Variants in NCKAP5 observed in about 807,000 individuals in gnomAD.
The protein encoded by NCKAP5 is nck-associated protein 5.
In NCKAP5, 92 loss-of-function variants were observed where a neutral mutation model predicts 167.0. That is an observed-to-expected ratio of 0.55 (90% confidence interval 0.47 to 0.66). The LOEUF (loss-of-function observed/expected upper bound fraction) is 0.66. Ranked by LOEUF, NCKAP5 falls within the 30% of genes least tolerant of loss-of-function variation. NCKAP5 has a pLI of 0.00. For missense variants in NCKAP5, 2,378 were observed against 2,315.0 expected, an observed-to-expected ratio of 1.03 and a Z score of -0.56; for synonymous variants, 891 against 877.4, an observed-to-expected ratio of 1.02 and a Z score of -0.27.
chr2:132,778,800 T>C (rs1447623838), intron 15 of NCKAP5, among the ~76,000 whole-genome samples: 1 of 152,208 alleles, frequency 6.6e-6, no homozygotes, highest in African/African-American at 2.4e-5. Flanking sequence ...ACATCTCATT[T>C]TGCATCTAAT....
intron 6 of NCKAP5, among the ~76,000 whole-genome samples, chr2:133,025,544 G>C (rs1360181945): frequency 6.6e-6 from 1 of 152,188 alleles, no homozygotes; most frequent in Non-Finnish European, 1.5e-5. Context: ...GTTGGGTGCT[G>C]TGGGTAGAAG....
chr2:133,177,323 ACT>A (rs554915072), intron 5 of NCKAP5, among the ~76,000 whole-genome samples: 1 of 152,072 alleles, frequency 6.6e-6, no homozygotes, highest in East Asian at 1.9e-4. Context: ...AAAAAGGAAC[ACT>A]CTGTACAAAA....
chr2:132,787,312 C>A (rs981978321), intron 13 of NCKAP5, among the ~76,000 whole-genome samples: 3 of 148,318 alleles, frequency 2.0e-5, no homozygotes, highest in Non-Finnish European at 4.4e-5. Context: ...TGCACCATTG[C>A]ACTCCCTCCC....
rs1319118345 is a variant in NCKAP5 at position 133,429,400 on chromosome 2, A to T, written c.69+88058T>A. On this transcript the variant is annotated intron_variant, in intron 3 of 19. Coordinates refer to ENST00000409261, the MANE Select transcript of NCKAP5 (RefSeq NM_207363.3). Reference sequence around the variant, plus strand: ...GGTTTGAGATTCTAATGATCCTATCACCCCAATAGTGAATATAGTAACCAA... The same window carrying T: ...GGTTTGAGATTCTAATGATCCTATCTCCCCAATAGTGAATATAGTAACCAA... Among the ~76,000 whole-genome samples, 9 of 152,078 alleles carry T rather than the reference A, an allele frequency of 5.9e-5. 1 individual carries two copies. Among genetic ancestry groups the T allele is most frequent in the African/African-American group, 2.2e-4 (9 of 41,506 alleles).
chr2:132,694,894 C>T (rs1172440979), intron 19 of NCKAP5, among the ~76,000 whole-genome samples: 1 of 152,182 alleles, frequency 6.6e-6, no homozygotes, highest in African/African-American at 2.4e-5. Context: ...CTTAATCCAC[C>T]TGGGTAGCTT....
At chr2:132,801,232 C>T (rs1414654240) in intron 11 of NCKAP5, among the ~76,000 whole-genome samples, 1 of 152,130 alleles carries the variant, frequency 6.6e-6, no homozygotes, top group Non-Finnish European at 1.5e-5. Flanking sequence ...AAGAAAGCCA[C>T]TCTGGGAAAA....
At chr2:133,167,455 CATATTA>C (rs1489780980) in intron 5 of NCKAP5, among the ~76,000 whole-genome samples, 1 of 152,102 alleles carries the variant, frequency 6.6e-6, no homozygotes, top group African/African-American at 2.4e-5. Flanking sequence ...GTTCACAAAT[CATATTA>C]ATATTAACAT....
At chr2:133,424,871 A>G (rs939871194) in intron 3 of NCKAP5, among the ~76,000 whole-genome samples, 1 of 152,196 alleles carries the variant, frequency 6.6e-6, no homozygotes, top group East Asian at 1.9e-4. Context: ...GCCTCCATAA[A>G]AACACTTGAT....
chr2:132,894,403 AT>A (rs1488127930), intron 8 of NCKAP5, among the ~76,000 whole-genome samples: 1 of 152,164 alleles, frequency 6.6e-6, no homozygotes, highest in Non-Finnish European at 1.5e-5. Flanking sequence ...GCCATGGGAG[AT>A]TTTTAGAAAA....
chr2:133,337,747 T>G lies in NCKAP5; in HGVS notation c.70-34637A>C, dbSNP rs113328332. On this transcript the variant is annotated intron_variant, in intron 3 of 19. Coordinates refer to ENST00000409261, the MANE Select transcript of NCKAP5 (RefSeq NM_207363.3). ...CCTACATGTTGATCTCAACCTTCTA[T>G]CTTTCAGAATTGTAAGAAAATGAAT... 9.7e-3 allele frequency among the ~76,000 whole-genome samples: 1,479 copies of G among 152,344 alleles called. 26 individuals are homozygous for G. The highest frequency in any genetic ancestry group is 0.031 in the African/African-American group (1,305 of 41,580).
At chr2:133,083,744 T>C (rs986596225) in intron 6 of NCKAP5, among the ~76,000 whole-genome samples, 1 of 152,176 alleles carries the variant, frequency 6.6e-6, no homozygotes. Flanking sequence ...TCATTCTTTT[T>C]TCATCCGTGT....
intron 3 of NCKAP5, among the ~76,000 whole-genome samples, chr2:133,312,884 G>T (rs2150623708): frequency 6.6e-6 from 1 of 152,270 alleles, no homozygotes; most frequent in East Asian, 1.9e-4. Context: ...ATTGATTGAT[G>T]TTGTTTGTAG....
In NCKAP5 at chr2:132,751,821, T is replaced by G. The variant is rs2104792095; in HGVS notation, c.5129-19770A>C. On this transcript the variant is annotated intron_variant, in intron 16 of 19. Coordinates refer to ENST00000409261, the MANE Select transcript of NCKAP5 (RefSeq NM_207363.3). ...GTGCATAGTGGATTGCCTTTCTACC[T>G]GGCAGTTTCATACCACCATCCAATA... is the stretch of plus-strand genomic sequence containing the variant. Among the ~76,000 whole-genome samples, 2 of 152,342 alleles carry G rather than the reference T, an allele frequency of 1.3e-5. 1 individual carries two copies. The highest frequency in any genetic ancestry group is 4.1e-4 in the South Asian group (2 of 4,832).
chr2:133,287,808 G>A (rs1173401309), intron 4 of NCKAP5, among the ~76,000 whole-genome samples: 2 of 152,140 alleles, frequency 1.3e-5, no homozygotes, highest in South Asian at 2.1e-4. Flanking sequence ...GGATGGTTAG[G>A]GCTTGTCTAT....
intron 3 of NCKAP5, among the ~76,000 whole-genome samples, chr2:133,448,653 T>A (rs13391232): frequency 0.19 from 28,358 of 151,976 alleles, 2,844 homozygotes; most frequent in African/African-American, 0.24. Flanking sequence ...TTCTTCTTTA[T>A]TTTTTTTAAA....
intron 11 of NCKAP5, among the ~76,000 whole-genome samples, chr2:132,842,197 T>C (rs552415593): frequency 6.6e-6 from 1 of 152,274 alleles, no homozygotes; most frequent in East Asian, 1.9e-4. Flanking sequence ...TGCTAGGCAA[T>C]AATTTATTTC....
At chr2:132,820,097 C>A (rs1686592692) in intron 11 of NCKAP5, among the ~76,000 whole-genome samples, 1 of 152,046 alleles carries the variant, frequency 6.6e-6, no homozygotes, top group African/African-American at 2.4e-5. Context: ...CCTAGAAAAC[C>A]AGACTTAATT....
chr2:133,597,568 C>A, the NCKAP5 span, among the ~76,000 whole-genome samples: 3 of 147,518 alleles, frequency 2.0e-5, no homozygotes, highest in East Asian at 6.3e-4. Flanking sequence ...ACTCGGGAGG[C>A]TGAGGCAGGA....
At chr2:133,502,501 A>T (rs1022508321) in intron 3 of NCKAP5, among the ~76,000 whole-genome samples, 6 of 152,196 alleles carry the variant, frequency 3.9e-5, no homozygotes, top group African/African-American at 1.4e-4. Flanking sequence ...AGAAATATAG[A>T]TATCTCACTG....
Sources: allele counts gnomAD v4.1 joint callset (sites outside exome capture counted in the v4.1 genomes callset), GRCh38; gene constraint gnomAD v4.1.1; transcripts MANE v1.5; gene names NCBI Gene and HGNC (gene_info 2026-07-23, HGNC 2026-07-21).